The following MIB1 variants were observed in gnomAD, a reference collection of about 807,000 sequenced individuals.
The protein encoded by MIB1 is E3 ubiquitin-protein ligase MIB1.
MIB1 carries 278 observed loss-of-function variants against 124.5 expected under a neutral mutation model. The observed-to-expected ratio is 2.23, with a 90% CI of 2.02 to 2.47. MIB1 has a LOEUF of 2.47. Among genes scored for constraint, MIB1 ranks in the 30% most tolerant of loss-of-function variants. MIB1 has a pLI of 0.00. For synonymous variants in MIB1, 446 were observed against 429.4 expected (o/e 1.04, Z -0.48); for missense variants, 957 against 1,254.4 (o/e 0.76, Z 3.58).
At position 21,869,598 on chromosome 18, in the gene MIB1, A is replaced by T. The variant is rs1377359285; in HGVS notation, c.*4932A>T. The T allele has an allele frequency of 1.3e-5, 2 of 152,470 alleles. No individual in the cohort carries two copies. Among genetic ancestry groups the T allele is most frequent in the South Asian group, 4.1e-4 (2 of 4,832 alleles). 9.4% of individuals were successfully genotyped at this position (152,470 alleles called of 1,614,324 possible). ...TTTAAAGGAAGTTTTCTAGATTTGC[A>T]CTTGATGTTTGTTTTTTAAAAACTG... On this transcript the variant is annotated 3_prime_UTR_variant, in exon 21 of 21. Transcript: ENST00000261537.
chr18:21,763,857 C>T (rs2041126377), intron 1 of MIB1, among the ~76,000 whole-genome samples: 1 of 152,132 alleles, frequency 6.6e-6, no homozygotes, highest in Non-Finnish European at 1.5e-5. Flanking sequence ...TTTAATCTGA[C>T]TCCCTTTCTC....
intron 5 of MIB1, 57 bp from the exon 6 acceptor site, chr18:21,779,424 C>A: frequency 1.5e-6 from 2 of 1,333,456 alleles, no homozygotes; most frequent in South Asian, 1.2e-5. Context: ...GATAATGCAG[C>A]TGCCTGTTGT....
chr18:21,789,998 G>A (rs750765269), intron 6 of MIB1, among the ~76,000 whole-genome samples: 5 of 152,150 alleles, frequency 3.3e-5, no homozygotes, highest in Admixed American at 6.5e-5. Context: ...GGAATATTAA[G>A]TAGTCATTAA....
In MIB1 at chr18:21,838,368, A is replaced by C. The variant is rs1362576715; in HGVS notation, c.1833A>C (p.Ala611=). ...ATAATGTGAATTTAACTTTCAGTGC[A>C]ATGCGTGTTTTACTATCTAAATTAC... ...HHAALRGNPS[A]MRVLLSKLPR... is the part of the protein sequence containing the mutation. Residue 611 remains alanine, a synonymous_variant, in exon 13 of 21, where the codon GCA becomes GCC. Transcript: ENST00000261537. The C allele has an allele frequency of 6.9e-6, 11 of 1,584,758 alleles. No homozygotes were observed. The highest frequency in any genetic ancestry group is 8.6e-6 in the Non-Finnish European group (10 of 1,165,104).
intron 16 of MIB1, 91 bp from the exon 17 acceptor site, chr18:21,849,105 A>T: frequency 1.2e-6 from 1 of 815,080 alleles, no homozygotes; most frequent in Non-Finnish European, 1.9e-6. Flanking sequence ...GTTTTTATGT[A>T]TACTAATGAT....
At chr18:21,807,055 G>GT (rs1404426106) in intron 10 of MIB1, among the ~76,000 whole-genome samples, 1 of 152,162 alleles carries the variant, frequency 6.6e-6, no homozygotes, top group Non-Finnish European at 1.5e-5. Flanking sequence ...AGCAGGTGCG[G>GT]TTTGTAGAAG....
chr18:21,726,772 C>A (rs1291528766), intron 1 of MIB1, among the ~76,000 whole-genome samples: 3 of 152,182 alleles, frequency 2.0e-5, no homozygotes, highest in African/African-American at 7.2e-5. Flanking sequence ...GCCTGTGCAT[C>A]CCTTCACTCC....
At chr18:21,838,329 A>T in intron 12 of MIB1, 36 bp from the exon 13 acceptor site, 1 of 1,464,762 alleles carries the variant, frequency 6.8e-7, no homozygotes, top group Non-Finnish European at 9.2e-7. Context: ...ATATCAAATT[A>T]TGCAAATATA....
chr18:21,831,966 T>C (rs2041988318), intron 12 of MIB1, among the ~76,000 whole-genome samples: 1 of 152,180 alleles, frequency 6.6e-6, no homozygotes, highest in Admixed American at 6.5e-5. Context: ...TGAAAGGATT[T>C]TGTAGGGTTA....
intron 2 of MIB1, among the ~76,000 whole-genome samples, chr18:21,767,940 A>G (rs1488326121): frequency 1.3e-5 from 2 of 152,148 alleles, no homozygotes; most frequent in South Asian, 4.2e-4. Context: ...GCCCCCGCCA[A>G]TACAGAAGAC....
chr18:21,742,880 A>C (rs2040870115), intron 1 of MIB1, among the ~76,000 whole-genome samples: 1 of 152,192 alleles, frequency 6.6e-6, no homozygotes, highest in Non-Finnish European at 1.5e-5. Flanking sequence ...ACACAAGCCA[A>C]CTCAGTTTTT....
chr18:21,821,634 T>C (rs1424872741), intron 12 of MIB1, among the ~76,000 whole-genome samples: 1 of 151,258 alleles, frequency 6.6e-6, no homozygotes, highest in African/African-American at 2.4e-5. Flanking sequence ...AGTCTTGCTC[T>C]GTCACCCAGG....
intron 4 of MIB1, among the ~76,000 whole-genome samples, chr18:21,776,129 A>T (rs967593274): frequency 6.6e-6 from 1 of 152,034 alleles, no homozygotes; most frequent in Non-Finnish European, 1.5e-5. Context: ...TTAGCTGGGT[A>T]TGGTGGTTTG....
Position 21,849,365 on chromosome 18 carries a change from G to T in MIB1, c.2563G>T (p.Glu855Ter), listed in dbSNP as rs769618673. The stretch of plus-strand genomic sequence containing the variant: ...TGTCAAGAAATGCCTCATCTGTAAA[G>T]AACAGGTTCAATCCAGGACAAAGGT... The part of the protein sequence containing the change: ...PRVKKCLICK[E>*]QVQSRTKIEE... The change falls in exon 17 of 21, where the codon GAA (glutamate) becomes TAA (stop). Residue 855 changes from glutamate to a stop codon, truncating the protein, a stop_gained. Coordinates refer to ENST00000261537, the MANE Select transcript of MIB1 (RefSeq NM_020774.4). LOFTEE classifies it high-confidence loss of function. The T allele has an allele frequency of 3.7e-6, 6 of 1,609,490 alleles. No individual in the cohort carries two copies. The highest frequency in any genetic ancestry group is 5.1e-6 in the Non-Finnish European group (6 of 1,177,924).
At chr18:21,792,546 A>T (rs1160698200) in intron 7 of MIB1, among the ~76,000 whole-genome samples, 1 of 152,188 alleles carries the variant, frequency 6.6e-6, no homozygotes, top group African/African-American at 2.4e-5. Context: ...TAGCACATAT[A>T]ATATGCCTAT....
chr18:21,753,523 A>G (rs1344077549), intron 1 of MIB1, among the ~76,000 whole-genome samples: 1 of 151,974 alleles, frequency 6.6e-6, no homozygotes, highest in Non-Finnish European at 1.5e-5. Flanking sequence ...GATGAGACCA[A>G]TTTGATTTCA....
intron 1 of MIB1, among the ~76,000 whole-genome samples, chr18:21,751,707 C>A (rs1310542094): frequency 6.7e-6 from 1 of 150,136 alleles, no homozygotes; most frequent in Non-Finnish European, 1.5e-5. Flanking sequence ...CCTTTTCTTC[C>A]CTTCTTTTCT....
At chr18:21,740,266 A>G (rs978056575), upstream of MIB1, among the ~76,000 whole-genome samples, 3 of 152,188 alleles carry the variant, frequency 2.0e-5, no homozygotes, top group Non-Finnish European at 4.4e-5. Context: ...AGTGGAGGCA[A>G]TTATTAATGA....
At chr18:21,740,763 T>G (rs974776660), upstream of MIB1, among the ~76,000 whole-genome samples, 2 of 152,218 alleles carry the variant, frequency 1.3e-5, no homozygotes, top group Non-Finnish European at 2.9e-5. Flanking sequence ...CGTCCGCCCT[T>G]TTTCTAGACC....
Sources: gnomAD v4.1 joint callset for allele counts (sites outside exome capture counted in the v4.1 genomes callset) on GRCh38, gnomAD v4.1.1 for gene constraint, MANE v1.5 for transcripts, NCBI Gene and HGNC (gene_info 2026-07-23, HGNC 2026-07-21) for gene names.